Variants in CASTOR2 observed in about 807,000 individuals in gnomAD.
CASTOR2 encodes the protein GATS protein like 2.
A neutral mutation model predicts 31.2 loss-of-function variants in CASTOR2; 8 were observed. That is an observed-to-expected ratio of 0.26 (90% CI 0.15 to 0.46). The LOEUF is 0.46. Ranked by LOEUF, CASTOR2 falls within the 20% of genes least tolerant of loss-of-function variation. The pLI, the probability that CASTOR2 is intolerant of heterozygous loss-of-function variation, is 0.99. For missense variants in CASTOR2, 216 were observed against 382.1 expected, an observed-to-expected ratio of 0.57 and a Z score of 3.62; for synonymous variants, 162 against 158.7, an observed-to-expected ratio of 1.02 and a Z score of -0.16.
chr7:75,024,601 G>A lies in CASTOR2; in HGVS notation c.925-33G>A, dbSNP rs1259356050. Reference sequence around the variant, plus strand: ...TGGGGAAGCAGGTTCCTGGGCTCACGGGCAGGCATCTGCCTCCTCTACCCC... The same window carrying A: ...TGGGGAAGCAGGTTCCTGGGCTCACAGGCAGGCATCTGCCTCCTCTACCCC... On this transcript the variant is annotated intron_variant, in intron 8 of 8. Coordinates refer to ENST00000616305, the MANE Select transcript of CASTOR2 (RefSeq NM_001145064.3). 110 of 1,550,878 alleles carry A rather than the reference G, an allele frequency of 7.1e-5. 1 individual carries two copies. The South Asian group carries it at 1.0e-3, about 14-fold the overall frequency.
chr7:74,991,074 G>A (rs1173585983), intron 1 of CASTOR2, among the ~76,000 whole-genome samples: 16 of 136,556 alleles, frequency 1.2e-4, no homozygotes, highest in Admixed American at 3.0e-4. Flanking sequence ...ACCCTGTCTG[G>A]AAAAAAAAAA....
At position 75,019,230 on chromosome 7, in the gene CASTOR2, C is replaced by T. The variant is rs1171517299; in HGVS notation, c.635+135C>T. The stretch of plus-strand genomic sequence containing the variant: ...GAAGAGACACAGACCTTCCCTGGAG[C>T]TAGTCTGAGCAGAGAGACATGGACC... On this transcript the variant is annotated intron_variant, in intron 5 of 8. Coordinates refer to ENST00000616305, the MANE Select transcript of CASTOR2 (RefSeq NM_001145064.3). The T allele has an allele frequency of 2.1e-6, 3 of 1,463,040 alleles. No individual in the cohort carries two copies. The African/African-American group carries it at 4.2e-5, about 21-fold the overall frequency. 90.6% of individuals were successfully genotyped at this position (1,463,040 alleles called of 1,614,324 possible). A position where few individuals can be genotyped will look rare whatever the true frequency, so the allele number is the denominator to read the frequency against.
At chr7:74,995,651 C>A (rs1804327212) in intron 1 of CASTOR2, among the ~76,000 whole-genome samples, 1 of 151,466 alleles carries the variant, frequency 6.6e-6, no homozygotes, top group East Asian at 1.9e-4. Context: ...ACTAAAAATA[C>A]AAAAAATTTA....
chr7:75,017,464 G>T (rs1584476528), intron 2 of CASTOR2, 134 bp from the exon 3 acceptor site: 2 of 1,116,666 alleles, frequency 1.8e-6, no homozygotes, highest in East Asian at 2.6e-5. Flanking sequence ...AAAAAATCCT[G>T]TTGGAAAGTG....
intron 1 of CASTOR2, among the ~76,000 whole-genome samples, chr7:75,006,002 C>T (rs1356299883): frequency 2.0e-5 from 3 of 152,090 alleles, no homozygotes; most frequent in South Asian, 2.1e-4. Context: ...TGGTGGTGGG[C>T]GCCTGTAAGC....
chr7:75,026,417 C>T lies in CASTOR2; in HGVS notation c.*1718C>T, dbSNP rs1805134574. Among the ~76,000 whole-genome samples, 1 of 152,104 alleles carries T rather than the reference C, an allele frequency of 6.6e-6. No homozygotes were observed. On this transcript the variant is annotated 3_prime_UTR_variant, in exon 9 of 9. Transcript: ENST00000616305. ...CATTGCTCAGGCTGGTCTTGAACTC[C>T]TGAGTTAAGTGATCCGCCTGCCTCG...
At chr7:75,010,956 G>A (rs1221334860) in intron 2 of CASTOR2, among the ~76,000 whole-genome samples, 16 of 151,980 alleles carry the variant, frequency 1.1e-4, no homozygotes, top group Admixed American at 3.3e-4. Flanking sequence ...AGGTTCAAGC[G>A]ATTCTCCTGC....
At chr7:74,995,603 C>G (rs1446130542) in intron 1 of CASTOR2, among the ~76,000 whole-genome samples, 2 of 150,562 alleles carry the variant, frequency 1.3e-5, no homozygotes, top group African/African-American at 2.5e-5. Context: ...GTCAGGAGAT[C>G]GAGACCATCC....
intron 1 of CASTOR2, among the ~76,000 whole-genome samples, chr7:75,003,554 T>G (rs1804542919): frequency 6.6e-6 from 1 of 151,724 alleles, no homozygotes; most frequent in Admixed American, 6.6e-5. Flanking sequence ...ATCGAGACCA[T>G]CCTGGCTAAC....
intron 1 of CASTOR2, among the ~76,000 whole-genome samples, chr7:74,991,962 C>T (rs1804222360): frequency 1.3e-5 from 2 of 151,930 alleles, no homozygotes; most frequent in South Asian, 2.1e-4. Context: ...TACTGTGCAG[C>T]GTGGATGGAC....
chr7:75,009,621 G>A (rs1287805004), intron 2 of CASTOR2, among the ~76,000 whole-genome samples: 17 of 149,748 alleles, frequency 1.1e-4, no homozygotes, highest in Non-Finnish European at 2.4e-4. Flanking sequence ...GGCCCCCCCC[G>A]CCCCCACCAG....
chr7:74,997,568 G>A (rs1374904687), intron 1 of CASTOR2, among the ~76,000 whole-genome samples: 2 of 151,924 alleles, frequency 1.3e-5, no homozygotes, highest in African/African-American at 2.4e-5. Context: ...TAGGATTACA[G>A]GCATGTGCCA....
chr7:75,011,457 G>C (rs1188260214), intron 2 of CASTOR2, among the ~76,000 whole-genome samples: 2 of 148,626 alleles, frequency 1.3e-5, no homozygotes, highest in African/African-American at 2.5e-5. Context: ...GTTTGAGGCC[G>C]GGCGCGGTGG....
At chr7:74,995,289 G>A (rs1444288541) in intron 1 of CASTOR2, among the ~76,000 whole-genome samples, 1 of 151,876 alleles carries the variant, frequency 6.6e-6, no homozygotes, top group Non-Finnish European at 1.5e-5. Context: ...TCAGGGAGGT[G>A]CTTGGGAGAG....
At chr7:75,009,884 A>ATTTTT (rs1186959059) in intron 2 of CASTOR2, among the ~76,000 whole-genome samples, 2 of 128,684 alleles carry the variant, frequency 1.6e-5, no homozygotes, top group Admixed American at 7.9e-5. Flanking sequence ...CAGGCACTTA[A>ATTTTT]TTTTTTTTTT....
intron 1 of CASTOR2, among the ~76,000 whole-genome samples, chr7:74,995,988 GAT>G (rs1442552242): frequency 1.2e-3 from 181 of 151,890 alleles, no homozygotes; most frequent in African/African-American, 4.3e-3. Flanking sequence ...AAAAAAAAAA[GAT>G]GGGCGAATGA....
chr7:74,979,512 C>T lies in CASTOR2; in HGVS notation c.113+14414C>T, dbSNP rs1217833123. 6.2e-5 allele frequency among the ~76,000 whole-genome samples: 5 copies of T among 81,298 alleles called. No individual in the cohort carries two copies. In the South Asian group the frequency reaches 2.4e-3, roughly 38 times the overall value. The allele number at this position is 81,298 out of a possible 152,430, so 53.3% of individuals were successfully genotyped here. On this transcript the variant is annotated intron_variant, in intron 1 of 8. Transcript: ENST00000616305. Reference sequence around the variant, plus strand: ...GTTCAAGTGATCCTCCTGCCTCAGCCTCCCGAGTAGCTGGGACTACAGGCA... The same window carrying T: ...GTTCAAGTGATCCTCCTGCCTCAGCTTCCCGAGTAGCTGGGACTACAGGCA...
chr7:74,987,212 C>T (rs1469331697), intron 1 of CASTOR2, among the ~76,000 whole-genome samples: 3 of 152,026 alleles, frequency 2.0e-5, no homozygotes, highest in Non-Finnish European at 4.4e-5. Flanking sequence ...CAAGACCAGC[C>T]TGGCCAACAT....
chr7:75,030,036 G>A lies in CASTOR2; in HGVS notation c.*5337G>A, dbSNP rs1252807158. On this transcript the variant is annotated 3_prime_UTR_variant, in exon 9 of 9. Coordinates refer to ENST00000616305, the MANE Select transcript of CASTOR2 (RefSeq NM_001145064.3). Reference sequence around the variant, plus strand: ...AGGCCCCAGGGAAGGAAGCCAGCCAGGAGCAGCCTGGAGCAGAGGCAGGAG... The same window carrying A: ...AGGCCCCAGGGAAGGAAGCCAGCCAAGAGCAGCCTGGAGCAGAGGCAGGAG... 1.3e-5 allele frequency among the ~76,000 whole-genome samples: 2 copies of A among 152,212 alleles called. No individual in the cohort carries two copies. The highest frequency in any genetic ancestry group is 2.9e-5 in the Non-Finnish European group (2 of 68,038).
Sources: allele counts gnomAD v4.1 joint callset (sites outside exome capture counted in the v4.1 genomes callset), GRCh38; gene constraint gnomAD v4.1.1; transcripts MANE v1.5; gene names NCBI Gene and HGNC (gene_info 2026-07-23, HGNC 2026-07-21).